Variants in PYM1 observed in about 807,000 individuals in gnomAD.
PYM1 encodes partner of Y14 and mago.
In PYM1, 7 loss-of-function variants were observed where a neutral mutation model predicts 20.7. That is an observed-to-expected ratio of 0.34 (90% CI 0.19 to 0.64). The LOEUF (loss-of-function observed/expected upper bound fraction) is 0.64, where lower values mean the gene tolerates loss of function less well. PYM1 is among the 30% of genes least tolerant of loss of function. The probability of loss-of-function intolerance (pLI) is 0.74; values close to 1 mark genes in which losing one functional copy is unlikely to be tolerated. For missense variants in PYM1, 194 were observed against 250.0 expected (o/e 0.78, Z 1.51); for synonymous variants, 100 against 99.2 (o/e 1.01, Z -0.05).
intron 1 of PYM1, among the ~76,000 whole-genome samples, chr12:55,905,845 ATATAT>A (rs1164097897): frequency 1.2e-4 from 14 of 118,870 alleles, no homozygotes; most frequent in Non-Finnish European, 1.7e-4. Context: ...TATTAGATAT[ATATAT>A]TATATATTAG....
At chr12:55,925,034 G>A (rs1160087418) in intron 1 of PYM1, among the ~76,000 whole-genome samples, 1 of 152,236 alleles carries the variant, frequency 6.6e-6, no homozygotes, top group East Asian at 1.9e-4. Flanking sequence ...GATCTTGGCA[G>A]AAGTTAAGTT....
At chr12:55,913,137 G>A (rs1882953449) in intron 1 of PYM1, among the ~76,000 whole-genome samples, 1 of 152,116 alleles carries the variant, frequency 6.6e-6, no homozygotes, top group South Asian at 2.1e-4. Flanking sequence ...ATCAACTCAA[G>A]GCAGCCTTCC....
chr12:55,908,441 AG>A (rs1478002083), intron 1 of PYM1, among the ~76,000 whole-genome samples: 1 of 151,232 alleles, frequency 6.6e-6, no homozygotes, highest in Non-Finnish European at 1.5e-5. Context: ...AAAAAAAAAA[AG>A]AAGAAAGAAA....
intron 1 of PYM1, 28 bp from the exon 2 acceptor site, chr12:55,903,508 T>C: frequency 1.2e-6 from 2 of 1,605,128 alleles, no homozygotes; most frequent in Non-Finnish European, 1.7e-6. Flanking sequence ...AAGTTGAAAA[T>C]TACTCTTATT....
intron 1 of PYM1, among the ~76,000 whole-genome samples, chr12:55,907,129 GCT>G (rs1592635736): frequency 6.7e-6 from 1 of 150,222 alleles, no homozygotes; most frequent in Non-Finnish European, 1.5e-5. Context: ...TTTTGTTGTA[GCT>G]CTCTTATTTT....
At chr12:55,927,276 G>A in intron 1 of PYM1, 2 of 1,035,690 alleles carry the variant, frequency 1.9e-6, no homozygotes, top group Non-Finnish European at 3.0e-6. Context: ...AGCTGAAATA[G>A]TTAATAAAAT....
At chr12:55,920,693 T>C (rs774653406) in intron 1 of PYM1, among the ~76,000 whole-genome samples, 19 of 149,228 alleles carry the variant, frequency 1.3e-4, no homozygotes, top group Non-Finnish European at 2.2e-4. Flanking sequence ...CCGAAAAAGA[T>C]GCATGCACAA....
At chr12:55,927,341 T>C in intron 1 of PYM1, 1 of 744,056 alleles carries the variant, frequency 1.3e-6, no homozygotes, top group Non-Finnish European at 2.4e-6. Context: ...TTGCTGCCTG[T>C]AAAACAGTCC....
intron 1 of PYM1, chr12:55,914,379 A>G (rs1162264773): frequency 1.4e-6 from 1 of 702,290 alleles, no homozygotes; most frequent in Admixed American, 2.0e-5. Flanking sequence ...AGAAATAAAA[A>G]CCAAGGGCAA....
At chr12:55,907,748 G>A (rs1483713913) in intron 1 of PYM1, among the ~76,000 whole-genome samples, 4 of 151,918 alleles carry the variant, frequency 2.6e-5, no homozygotes, top group African/African-American at 9.7e-5. Flanking sequence ...AGACCAGCCT[G>A]GCCAACATGG....
Position 55,901,700 on chromosome 12 carries a change from A to C in PYM1, c.*172T>G. 1 of 954,622 alleles carries C rather than the reference A, an allele frequency of 1.0e-6. No homozygotes were observed. Among genetic ancestry groups the C allele is most frequent in the South Asian group, 2.1e-5 (1 of 47,808 alleles). The allele number at this position is 954,622 out of a possible 1,614,324, so 59.1% of individuals were successfully genotyped here. A position where few individuals can be genotyped will look rare whatever the true frequency, so the allele number is the denominator to read the frequency against. The stretch of plus-strand genomic sequence containing the variant: ...GTCCAAAAAGTAGAAGTTGGGAAGA[A>C]AAGGGAAGGATTGAGGGAGACGCTA... On this transcript the variant is annotated 3_prime_UTR_variant, in exon 3 of 3. Transcript: ENST00000408946.
intron 1 of PYM1, 34 bp downstream of exon 1, chr12:55,927,691 G>A: frequency 6.5e-7 from 1 of 1,538,768 alleles, no homozygotes; most frequent in Non-Finnish European, 8.7e-7. Context: ...CGCGGGAGGG[G>A]CGTGCAAGGC....
rs1333994158 is a variant in PYM1, at chr12:55,916,328, C to T, written c.37+11397G>A. On this transcript the variant is annotated intron_variant, in intron 1 of 2. Transcript: ENST00000408946. ...CTAGCCTGGGTGACAGAGTGAGACT[C>T]CAGCTCAAAAAAAAAAAAGACATGG... Among the ~76,000 whole-genome samples, 3 of 151,174 alleles carry T rather than the reference C, an allele frequency of 2.0e-5. No homozygotes were observed. In the East Asian group the frequency reaches 5.8e-4, roughly 29 times the overall value.
At chr12:55,914,823 C>T (rs186562812) in intron 1 of PYM1, among the ~76,000 whole-genome samples, 1 of 152,154 alleles carries the variant, frequency 6.6e-6, no homozygotes, top group East Asian at 1.9e-4. Context: ...AATCATTTCC[C>T]TCAAGGAAGA....
At position 55,927,512 on chromosome 12, in the gene PYM1, C is replaced by T. The variant is rs577965433; in HGVS notation, c.37+213G>A. 1,258 of 694,224 alleles carry T rather than the reference C, an allele frequency of 1.8e-3. 3 individuals are homozygous for T. The highest frequency in any genetic ancestry group is 2.7e-3 in the Non-Finnish European group (1,109 of 406,690). The allele number at this position is 694,224 out of a possible 1,614,324, so 43.0% of individuals were successfully genotyped here. ...AGAATATCCAGGCTCTGGCCTGCAC[C>T]CAGATCTCAGAGCGGCTTGGTGACG... is the stretch of plus-strand genomic sequence containing the variant. On this transcript the variant is annotated intron_variant, in intron 1 of 2. Coordinates refer to ENST00000408946, the MANE Select transcript of PYM1 (RefSeq NM_032345.3).
chr12:55,918,482 C>T (rs1375267871), intron 1 of PYM1, among the ~76,000 whole-genome samples: 1 of 152,180 alleles, frequency 6.6e-6, no homozygotes, highest in Non-Finnish European at 1.5e-5. Context: ...TCTGTAATCC[C>T]AGCACACTAG....
intron 1 of PYM1, among the ~76,000 whole-genome samples, chr12:55,920,342 T>C (rs1473131575): frequency 6.6e-6 from 1 of 151,728 alleles, no homozygotes; most frequent in African/African-American, 2.4e-5. Flanking sequence ...ATCTTACAGA[T>C]AATTTAAAAA....
At chr12:55,926,209 G>A (rs940114412) in intron 1 of PYM1, among the ~76,000 whole-genome samples, 13 of 152,294 alleles carry the variant, frequency 8.5e-5, no homozygotes, top group Non-Finnish European at 1.6e-4. Context: ...TCATCATTGA[G>A]TAGCTATTAC....
At position 55,902,172 on chromosome 12, in the gene PYM1, C is replaced by T. The variant is rs766159141; in HGVS notation, c.315G>A (p.Glu105=). 6.2e-6 allele frequency: 10 copies of T among 1,614,056 alleles called. No individual in the cohort carries two copies. Among genetic ancestry groups the T allele is most frequent in the Non-Finnish European group, 8.5e-6 (10 of 1,180,044 alleles). The stretch of plus-strand genomic sequence containing the variant: ...CAAGAGTCCTGCTCAAGGCCTCTGC[C>T]TCTCCTTTCTCTTGCTGCTGCCGCC... ...EKRRQQQEKG[E]AEALSRTLDK... The change falls in exon 3 of 3, where the codon GAG becomes GAA. Residue 105 remains glutamate (E), a synonymous_variant. Coordinates refer to ENST00000408946, the MANE Select transcript of PYM1 (RefSeq NM_032345.3).
Sources: gnomAD v4.1 joint callset for allele counts (sites outside exome capture counted in the v4.1 genomes callset) on GRCh38, gnomAD v4.1.1 for gene constraint, MANE v1.5 for transcripts, NCBI Gene and HGNC (gene_info 2026-07-23, HGNC 2026-07-21) for gene names.